SAP130: variants seen among roughly 807,000 people sequenced by gnomAD.
The protein encoded by SAP130 is Sin3A associated protein 130.
In SAP130, 16 loss-of-function variants were observed where a neutral mutation model predicts 103.2. That is an observed-to-expected ratio of 0.16 (90% CI 0.10 to 0.24). The LOEUF (loss-of-function observed/expected upper bound fraction) is 0.24. Ranked by LOEUF, SAP130 falls within the 10% of genes least tolerant of loss-of-function variation. The pLI, the probability that SAP130 is intolerant of heterozygous loss-of-function variation, is 1.00. For synonymous variants in SAP130, 477 were observed against 497.0 expected (o/e 0.96, Z 0.53); for missense variants, 990 against 1,359.7 (o/e 0.73, Z 4.28).
At chr2:127,970,911 C>A (rs1016596386) in intron 15 of SAP130, among the ~76,000 whole-genome samples, 1 of 152,004 alleles carries the variant, frequency 6.6e-6, no homozygotes, top group African/African-American at 2.4e-5. Context: ...CTTGGTCTTA[C>A]TTCTATCACG....
intron 18 of SAP130, among the ~76,000 whole-genome samples, chr2:127,947,802 T>G (rs867124502): frequency 5.5e-5 from 1 of 18,320 alleles, no homozygotes; most frequent in African/African-American, 8.8e-5. Context: ...GTGTGTGTGT[T>G]TTGAGACGGA....
At chr2:128,012,276 C>A (rs926990118) in intron 6 of SAP130, among the ~76,000 whole-genome samples, 3 of 152,126 alleles carry the variant, frequency 2.0e-5, no homozygotes, top group African/African-American at 7.2e-5. Flanking sequence ...TCGAGACCAG[C>A]CTGGCCAACA....
At chr2:128,010,839 G>A (rs1684338127) in intron 6 of SAP130, among the ~76,000 whole-genome samples, 1 of 143,244 alleles carries the variant, frequency 7.0e-6, no homozygotes, top group Non-Finnish European at 1.5e-5. Context: ...GCTCCAGCTT[G>A]AGCAACAAGA....
At chr2:128,027,315 C>T (rs1387327639) in intron 1 of SAP130, 5 of 1,154,328 alleles carry the variant, frequency 4.3e-6, no homozygotes, top group Non-Finnish European at 5.3e-6. Flanking sequence ...CTGCCCCTGC[C>T]TCCCCCGCCC....
At position 127,952,440 on chromosome 2, in the gene SAP130, A is replaced by G. The variant is rs1679554823; in HGVS notation, c.2423-2032T>C. On this transcript the variant is annotated intron_variant, in intron 16 of 20. Transcript: ENST00000643581. The stretch of plus-strand genomic sequence containing the variant: ...CACTCTAGCCTGGGCAAAAGAGCAC[A>G]ACTCCATCTTAAAAAAAAAAAAAAA... Among the ~76,000 whole-genome samples, 5 of 113,152 alleles carry G rather than the reference A, an allele frequency of 4.4e-5. No homozygotes were observed. In the Admixed American group the frequency reaches 5.3e-4, roughly 12 times the overall value. The allele number at this position is 113,152 out of a possible 152,430, so 74.2% of individuals were successfully genotyped here.
intron 12 of SAP130, among the ~76,000 whole-genome samples, chr2:127,991,960 A>G (rs529697969): frequency 6.6e-6 from 1 of 152,210 alleles, no homozygotes; most frequent in South Asian, 2.1e-4. Flanking sequence ...AGGCAGCAAT[A>G]ACACTTTCTT....
At chr2:127,951,996 C>T (rs1254423198) in intron 16 of SAP130, among the ~76,000 whole-genome samples, 1 of 152,238 alleles carries the variant, frequency 6.6e-6, no homozygotes, top group Non-Finnish European at 1.5e-5. Context: ...TCTCTCCATG[C>T]TTTCAGCAAA....
At chr2:127,985,103 G>A (rs1176289756) in intron 14 of SAP130, among the ~76,000 whole-genome samples, 1 of 152,192 alleles carries the variant, frequency 6.6e-6, no homozygotes, top group Non-Finnish European at 1.5e-5. Context: ...AGCTTCAGTT[G>A]CTACTGTGTC....
intron 13 of SAP130, among the ~76,000 whole-genome samples, chr2:127,987,929 C>T (rs1682515801): frequency 6.6e-6 from 1 of 152,088 alleles, no homozygotes; most frequent in Non-Finnish European, 1.5e-5. Flanking sequence ...AGTTTTTGAC[C>T]TATAAAAATG....
intron 15 of SAP130, among the ~76,000 whole-genome samples, chr2:127,962,090 G>C (rs1680296903): frequency 6.6e-6 from 1 of 152,166 alleles, no homozygotes; most frequent in Non-Finnish European, 1.5e-5. Context: ...ATTTTGGTAA[G>C]TATTGCGAAG....
rs532683543 is a variant in SAP130 at position 127,941,597 on chromosome 2, G to A, written c.*409C>T. On this transcript the variant is annotated 3_prime_UTR_variant, in exon 21 of 21. Coordinates refer to ENST00000643581, the MANE Select transcript of SAP130 (RefSeq NM_001330301.2). ...GTGGGTGGAAGAGGTTTTATTTTCAGTGTAGAGAGATAACAGATGGTCCGA... is the reference window on the plus strand; with the variant it reads ...GTGGGTGGAAGAGGTTTTATTTTCAATGTAGAGAGATAACAGATGGTCCGA... The A allele has an allele frequency of 5.5e-5, 10 of 181,490 alleles. No homozygotes were observed. Among genetic ancestry groups the A allele is most frequent in the African/African-American group, 2.1e-4 (9 of 41,904 alleles). The allele number at this position is 181,490 out of a possible 1,614,324, so 11.2% of individuals were successfully genotyped here. A position where few individuals can be genotyped will look rare whatever the true frequency, so the allele number is the denominator to read the frequency against.
chr2:127,954,566 G>A (rs1679701352), intron 16 of SAP130, among the ~76,000 whole-genome samples: 1 of 152,104 alleles, frequency 6.6e-6, no homozygotes, highest in Admixed American at 6.6e-5. Context: ...ATCACATATA[G>A]GTTTTTCAGC....
At position 127,986,364 on chromosome 2, in the gene SAP130, A is replaced by C. The variant is rs1459852494; in HGVS notation, c.1958+421T>G. 2.0e-5 allele frequency among the ~76,000 whole-genome samples: 3 copies of C among 152,250 alleles called. No individual in the cohort carries two copies. The highest frequency in any genetic ancestry group is 7.2e-5 in the African/African-American group (3 of 41,554). On this transcript the variant is annotated intron_variant, in intron 14 of 20. Transcript: ENST00000643581. This position sits in a 1 kb window ranked among gnomAD's most constrained non-coding sequence, Gnocchi z 4.7. ...GGCAATGAAGAAGCGAGCCACTCCC[A>C]CTGTTGCACGCCCTGCGAGGGGGAC... is the stretch of plus-strand genomic sequence containing the variant.
chr2:128,004,711 A>C (rs1683835931), intron 7 of SAP130, among the ~76,000 whole-genome samples: 1 of 152,204 alleles, frequency 6.6e-6, no homozygotes, highest in African/African-American at 2.4e-5. Context: ...AATCAGACAC[A>C]GACACAGATA....
Position 128,011,296 on chromosome 2 carries a change from T to C in SAP130, c.745-903A>G, listed in dbSNP as rs569941208. 1.2e-4 allele frequency among the ~76,000 whole-genome samples: 18 copies of C among 152,350 alleles called. No individual in the cohort carries two copies. The South Asian group carries it at 3.7e-3, about 32-fold the overall frequency. ...TGTTTTCACATGGACAGAGTGCCCTTATCACACTTACGTGTGAAATCTTCC... is the reference window on the plus strand; with the variant it reads ...TGTTTTCACATGGACAGAGTGCCCTCATCACACTTACGTGTGAAATCTTCC... On this transcript the variant is annotated intron_variant, in intron 6 of 20. Transcript: ENST00000643581.
At chr2:127,949,260 T>C (rs1410560063) in intron 18 of SAP130, among the ~76,000 whole-genome samples, 2 of 152,166 alleles carry the variant, frequency 1.3e-5, no homozygotes, top group Non-Finnish European at 2.9e-5. Context: ...TATATTATAT[T>C]TGAGATTAAT....
At chr2:127,997,768 C>T (rs1397811249) in intron 10 of SAP130, among the ~76,000 whole-genome samples, 1 of 152,080 alleles carries the variant, frequency 6.6e-6, no homozygotes, top group Non-Finnish European at 1.5e-5. Flanking sequence ...GGTTGGTAAC[C>T]AGACATACCC....
chr2:127,950,328 G>A lies in SAP130; in HGVS notation c.2503C>T (p.Leu835=). 2 of 1,614,200 alleles carry A rather than the reference G, an allele frequency of 1.2e-6. No individual in the cohort carries two copies. Among genetic ancestry groups the A allele is most frequent in the Non-Finnish European group, 1.7e-6 (2 of 1,180,034 alleles). ...TTCCTTGGGGAGGCACCAGGTGGTA[G>A]GTCACTTGTAGGCATGGACAAGTTG... The part of the protein sequence containing the change: ...ANNLSMPTSD[L]PPGASPRKKP... The change falls in exon 17 of 21, where the codon CTA becomes TTA. Residue 835 remains leucine, a synonymous_variant. Transcript: ENST00000643581.
Position 127,941,769 on chromosome 2 carries a change from T to C in SAP130, c.*237A>G. 1 of 512,976 alleles carries C rather than the reference T, an allele frequency of 1.9e-6. No individual in the cohort carries two copies. Among genetic ancestry groups the C allele is most frequent in the Non-Finnish European group, 3.4e-6 (1 of 294,224 alleles). The allele number at this position is 512,976 out of a possible 1,614,324, so 31.8% of individuals were successfully genotyped here. A position where few individuals can be genotyped will look rare whatever the true frequency, so the allele number is the denominator to read the frequency against. ...GGACACTGATGCATCCGGAGTCACT[T>C]ATGACACAGATCAGGTTTAACAGGG... On this transcript the variant is annotated 3_prime_UTR_variant, in exon 21 of 21. Transcript: ENST00000643581.
Sources: allele counts gnomAD v4.1 joint callset (sites outside exome capture counted in the v4.1 genomes callset), GRCh38; gene constraint gnomAD v4.1.1; non-coding constraint Gnocchi (gnomAD v3.1); transcripts MANE v1.5; gene names NCBI Gene and HGNC (gene_info 2026-07-23, HGNC 2026-07-21).